Variants in CD2AP observed in about 807,000 individuals in gnomAD.
CD2AP encodes CD2-associated protein.
Under a neutral mutation model 85.1 loss-of-function variants are expected in CD2AP, and 46 were observed. The ratio of observed to expected loss-of-function variants is 0.54; its 90% CI spans 0.43 to 0.69. CD2AP has a LOEUF of 0.69. Among genes scored for constraint, CD2AP ranks in the 30% least tolerant of loss-of-function variants. CD2AP has a pLI of 0.00. For synonymous variants in CD2AP, 255 were observed against 252.9 expected, an observed-to-expected ratio of 1.01 and a Z score of -0.08; for missense variants, 769 against 729.5, an observed-to-expected ratio of 1.05 and a Z score of -0.62.
intron 2 of CD2AP, among the ~76,000 whole-genome samples, chr6:47,509,648 A>G (rs554970706): frequency 1.1e-4 from 17 of 152,292 alleles, no homozygotes; most frequent in African/African-American, 3.4e-4. Context: ...TTTTTGATCT[A>G]TAATAGATTG....
chr6:47,524,126 G>A (rs1257413918), intron 2 of CD2AP, among the ~76,000 whole-genome samples: 1 of 152,066 alleles, frequency 6.6e-6, no homozygotes, highest in Non-Finnish European at 1.5e-5. Context: ...TGTTTGCCTT[G>A]GACTTAATCT....
At chr6:47,576,689 C>A in intron 7 of CD2AP, 87 bp downstream of exon 7, 1 of 1,005,404 alleles carries the variant, frequency 9.9e-7, no homozygotes, top group Non-Finnish European at 1.6e-6. Flanking sequence ...ATTTGTTACA[C>A]TGTCTTATTA....
At chr6:47,589,565 C>CATATATATATATATATATATATATAT (rs1554182282) in intron 11 of CD2AP, among the ~76,000 whole-genome samples, 71 of 120,952 alleles carry the variant, frequency 5.9e-4, no homozygotes, top group African/African-American at 1.9e-3. Context: ...CACACACACA[C>CATATATATATATATATATATATATAT]ATATATATAT....
chr6:47,491,405 A>G (rs868131557), intron 1 of CD2AP, among the ~76,000 whole-genome samples: 1 of 151,892 alleles, frequency 6.6e-6, no homozygotes, highest in Middle Eastern at 3.4e-3. Context: ...CTTATACTGA[A>G]ATATATTTTT....
At chr6:47,483,032 C>A (rs1765484169) in intron 1 of CD2AP, among the ~76,000 whole-genome samples, 1 of 152,108 alleles carries the variant, frequency 6.6e-6, no homozygotes, top group Admixed American at 6.6e-5. Flanking sequence ...TGAAAGTTTT[C>A]AGATTTTATG....
At chr6:47,613,110 T>TA in intron 17 of CD2AP, among the ~76,000 whole-genome samples, 1 of 152,240 alleles carries the variant, frequency 6.6e-6, no homozygotes, top group Non-Finnish European at 1.5e-5. Context: ...TTGCTGTTTT[T>TA]ACCACATCTT....
intron 1 of CD2AP, among the ~76,000 whole-genome samples, chr6:47,483,515 A>T (rs1765495480): frequency 6.6e-6 from 1 of 152,198 alleles, no homozygotes; most frequent in Non-Finnish European, 1.5e-5. Flanking sequence ...GGAGAAATAC[A>T]AGGTGGGTAT....
intron 3 of CD2AP, among the ~76,000 whole-genome samples, chr6:47,535,657 C>T (rs1330048050): frequency 6.6e-6 from 1 of 152,136 alleles, no homozygotes; most frequent in Non-Finnish European, 1.5e-5. Flanking sequence ...TGCTTTCTAG[C>T]ATTATTGCCT....
intron 1 of CD2AP, among the ~76,000 whole-genome samples, chr6:47,496,592 T>A (rs1472431342): frequency 1.3e-5 from 2 of 152,210 alleles, no homozygotes; most frequent in African/African-American, 4.8e-5. Context: ...CAAACCACTT[T>A]AATATTTACT....
chr6:47,608,812 T>C (rs922401220), intron 15 of CD2AP, among the ~76,000 whole-genome samples: 1 of 152,188 alleles, frequency 6.6e-6, no homozygotes, highest in Admixed American at 6.5e-5. Flanking sequence ...GTAATACCTT[T>C]ATAATGCTGT....
intron 3 of CD2AP, 65 bp from the exon 4 acceptor site, chr6:47,544,541 G>GTA: frequency 9.6e-7 from 1 of 1,045,250 alleles, no homozygotes; most frequent in Admixed American, 1.7e-5. Context: ...AACATGGCAT[G>GTA]TAAATATACT....
chr6:47,514,861 G>C (rs1296954695), intron 2 of CD2AP, among the ~76,000 whole-genome samples: 1 of 152,124 alleles, frequency 6.6e-6, no homozygotes, highest in Non-Finnish European at 1.5e-5. Context: ...TGACCAGCCT[G>C]GCCAACACGG....
chr6:47,614,689 T>C (rs1398500860), intron 17 of CD2AP, among the ~76,000 whole-genome samples: 5 of 152,208 alleles, frequency 3.3e-5, no homozygotes, highest in Non-Finnish European at 5.9e-5. Flanking sequence ...ATAGAGTTGC[T>C]CAGCACAGGA....
Position 47,533,767 on chromosome 6 carries a change from A to T in CD2AP, c.319+12A>T, listed in dbSNP as rs1165727809. The T allele has an allele frequency of 6.2e-7, 1 of 1,612,828 alleles. No homozygotes were observed. Among genetic ancestry groups the T allele is most frequent in the Admixed American group, 1.7e-5 (1 of 59,984 alleles). On this transcript the variant is annotated intron_variant, in intron 3 of 17. Transcript: ENST00000359314. ...AAACATTAAGAAGAGTATGTAAATAATTCCTTTCCTGCATAATTACATCAA... is the reference window on the plus strand; with the variant it reads ...AAACATTAAGAAGAGTATGTAAATATTTCCTTTCCTGCATAATTACATCAA...
At chr6:47,575,443 G>A (rs1426595014) in intron 6 of CD2AP, among the ~76,000 whole-genome samples, 2 of 152,116 alleles carry the variant, frequency 1.3e-5, no homozygotes, top group Admixed American at 1.3e-4. Context: ...AGTGACTGTA[G>A]TCTCAGGGTT....
At chr6:47,519,724 T>C (rs1582506835) in intron 2 of CD2AP, among the ~76,000 whole-genome samples, 1 of 152,278 alleles carries the variant, frequency 6.6e-6, no homozygotes, top group East Asian at 1.9e-4. Flanking sequence ...AAAGGAGAAA[T>C]TGGAGAAGAA....
Position 47,573,905 on chromosome 6 carries a change from A to G in CD2AP, c.542-159A>G, listed in dbSNP as rs545720362. ...ATAAAAAAGTCTGTGTAAATTGCAT[A>G]AATTGCATCTTGCTCTTCTGGATAT... On this transcript the variant is annotated intron_variant, in intron 5 of 17. Transcript: ENST00000359314. 5.3e-5 allele frequency among the ~76,000 whole-genome samples: 8 copies of G among 152,368 alleles called. No individual in the cohort carries two copies. In the South Asian group the frequency reaches 1.7e-3, roughly 32 times the overall value.
At chr6:47,523,572 T>C (rs1001674935) in intron 2 of CD2AP, among the ~76,000 whole-genome samples, 7 of 152,198 alleles carry the variant, frequency 4.6e-5, no homozygotes, top group African/African-American at 1.7e-4. Context: ...TACATCATAG[T>C]ATGTTTTCTG....
intron 2 of CD2AP, among the ~76,000 whole-genome samples, chr6:47,515,415 A>G (rs557343427): frequency 6.6e-6 from 1 of 152,352 alleles, no homozygotes; most frequent in South Asian, 2.1e-4. Flanking sequence ...TAATAGGCTA[A>G]TAACACTTTA....
Sources: allele counts gnomAD v4.1 joint callset (sites outside exome capture counted in the v4.1 genomes callset), GRCh38; gene constraint gnomAD v4.1.1; transcripts MANE v1.5; gene names NCBI Gene and HGNC (gene_info 2026-07-23, HGNC 2026-07-21).